CDH13: variants seen among roughly 807,000 people sequenced by gnomAD.
CDH13 encodes the protein cadherin-13.
CDH13 carries 24 observed loss-of-function variants against 63.8 expected under a neutral mutation model. That is an observed-to-expected ratio of 0.38 (90% CI 0.27 to 0.53). The LOEUF is 0.53. CDH13 is among the 20% of genes least tolerant of loss of function. The pLI is 0.85. For missense variants in CDH13, 1,049 were observed against 903.1 expected (o/e 1.16, Z -2.07); for synonymous variants, 503 against 355.3 (o/e 1.42, Z -4.67).
At chr16:82,862,787 C>G (rs1177493058) in intron 2 of CDH13, among the ~76,000 whole-genome samples, 6 of 152,226 alleles carry the variant, frequency 3.9e-5, no homozygotes, top group Admixed American at 1.3e-4. Flanking sequence ...ATTTCTCACT[C>G]AGATCATGCA....
intron 6 of CDH13, among the ~76,000 whole-genome samples, chr16:83,425,222 C>T (rs1020849378): frequency 7.2e-5 from 11 of 152,182 alleles, no homozygotes; most frequent in Admixed American, 3.9e-4. Flanking sequence ...GATGATTCTC[C>T]CTTTGGCCAT....
rs778389493 is a variant in CDH13 at position 83,032,223 on chromosome 16, C to A, written c.366+5C>A. ...GACATCCAGGGCTCCTTGCAGGTAA[C>A]ACATCTGTTTGAGATAACTTGGGTT... is the stretch of plus-strand genomic sequence containing the variant. On this transcript the variant is annotated splice_donor_5th_base_variant and intron_variant, in intron 3 of 13. Coordinates refer to ENST00000567109, the MANE Select transcript of CDH13 (RefSeq NM_001257.5). 2 of 1,611,074 alleles carry A rather than the reference C, an allele frequency of 1.2e-6. No homozygotes were observed. The highest frequency in any genetic ancestry group is 1.7e-6 in the Non-Finnish European group (2 of 1,177,654).
chr16:83,549,224 C>T (rs2075445880), intron 7 of CDH13, among the ~76,000 whole-genome samples: 1 of 152,138 alleles, frequency 6.6e-6, no homozygotes, highest in African/African-American at 2.4e-5. Flanking sequence ...CCTGGGAGAG[C>T]CCACGGGAGC....
intron 3 of CDH13, among the ~76,000 whole-genome samples, chr16:83,070,951 C>T (rs1011815328): frequency 1.3e-5 from 2 of 149,382 alleles, no homozygotes; most frequent in Non-Finnish European, 1.5e-5. Flanking sequence ...AGTTATGCTT[C>T]ACGCAGTCAT....
intron 2 of CDH13, among the ~76,000 whole-genome samples, chr16:82,863,191 C>T (rs544822087): frequency 2.0e-5 from 3 of 152,178 alleles, no homozygotes; most frequent in Non-Finnish European, 1.5e-5. Flanking sequence ...AAGGAGCCAG[C>T]TGTCTTGGAG....
At chr16:82,879,188 T>A (rs1180776580) in intron 2 of CDH13, among the ~76,000 whole-genome samples, 1 of 152,168 alleles carries the variant, frequency 6.6e-6, no homozygotes, top group Non-Finnish European at 1.5e-5. Context: ...TGCCCAGCTC[T>A]GGCACCTGAA....
At chr16:82,743,304 G>A (rs993300369) in intron 1 of CDH13, among the ~76,000 whole-genome samples, 2 of 152,246 alleles carry the variant, frequency 1.3e-5, no homozygotes, top group East Asian at 1.9e-4. Flanking sequence ...TCAGCTCACT[G>A]CAGCCTCAGA....
At chr16:83,115,180 A>G (rs2035235866) in intron 3 of CDH13, among the ~76,000 whole-genome samples, 1 of 152,214 alleles carries the variant, frequency 6.6e-6, no homozygotes, top group Admixed American at 6.5e-5. Context: ...GTGTTTTTAG[A>G]GCAGATGGTT....
intron 4 of CDH13, among the ~76,000 whole-genome samples, chr16:83,147,996 C>T (rs1053648962): frequency 5.9e-5 from 9 of 152,136 alleles, no homozygotes; most frequent in Admixed American, 2.0e-4. Flanking sequence ...TACAGTGGTA[C>T]GATGTTTGCT....
intron 7 of CDH13, among the ~76,000 whole-genome samples, chr16:83,503,172 G>A (rs1016817926): frequency 3.3e-5 from 5 of 152,284 alleles, no homozygotes; most frequent in East Asian, 1.9e-4. Flanking sequence ...GCCTTGAATC[G>A]CTCACGTAGA....
intron 6 of CDH13, among the ~76,000 whole-genome samples, chr16:83,421,098 G>A (rs1371296763): frequency 6.6e-6 from 1 of 152,172 alleles, no homozygotes; most frequent in Non-Finnish European, 1.5e-5. Flanking sequence ...TAATGTGAAG[G>A]GAGATGAGAA....
At chr16:83,240,229 A>T (rs1204819365) in intron 5 of CDH13, among the ~76,000 whole-genome samples, 3 of 152,090 alleles carry the variant, frequency 2.0e-5, no homozygotes. Flanking sequence ...AGGTGCAAAG[A>T]TCCGGAGGTC....
At chr16:83,123,540 A>G (rs1316184176) in intron 3 of CDH13, among the ~76,000 whole-genome samples, 1 of 152,146 alleles carries the variant, frequency 6.6e-6, no homozygotes, top group East Asian at 1.9e-4. Context: ...CAGCCTCCCA[A>G]AGGGCTGGGA....
At chr16:83,611,355 G>C (rs1052917942) in intron 8 of CDH13, among the ~76,000 whole-genome samples, 1 of 151,750 alleles carries the variant, frequency 6.6e-6, no homozygotes, top group Admixed American at 6.6e-5. Flanking sequence ...TTTCATTGAT[G>C]GATATGAAAC....
intron 5 of CDH13, among the ~76,000 whole-genome samples, chr16:83,261,105 G>T (rs1031318555): frequency 6.6e-6 from 1 of 152,138 alleles, no homozygotes; most frequent in African/African-American, 2.4e-5. Flanking sequence ...CTCAGCCAAG[G>T]AGAACAGGGC....
chr16:83,772,870 AG>A (rs1346807522), intron 11 of CDH13: 1 of 152,272 alleles, frequency 6.6e-6, no homozygotes, highest in African/African-American at 2.4e-5. Context: ...AACATGTCAA[AG>A]AAAAATGGGC....
At chr16:82,700,431 A>G (rs531189621) in intron 1 of CDH13, among the ~76,000 whole-genome samples, 1 of 152,314 alleles carries the variant, frequency 6.6e-6, no homozygotes, top group African/African-American at 2.4e-5. Flanking sequence ...GTGTATGTGT[A>G]TAATGTACAT....
intron 5 of CDH13, among the ~76,000 whole-genome samples, chr16:83,318,683 C>T (rs1054510808): frequency 1.2e-4 from 18 of 152,084 alleles, no homozygotes; most frequent in African/African-American, 3.1e-4. Context: ...CTACGGAAAT[C>T]GAAGGAGGGA....
intron 2 of CDH13, among the ~76,000 whole-genome samples, chr16:82,876,348 C>G (rs376356442): frequency 2.6e-5 from 4 of 152,168 alleles, no homozygotes; most frequent in African/African-American, 9.7e-5. Context: ...GTACATTTTC[C>G]TAGATAATTA....
Sources: gnomAD v4.1 joint callset for allele counts (sites outside exome capture counted in the v4.1 genomes callset) on GRCh38, gnomAD v4.1.1 for gene constraint, MANE v1.5 for transcripts, NCBI Gene and HGNC (gene_info 2026-07-23, HGNC 2026-07-21) for gene names.